The following MUC5B variants were observed in gnomAD, a reference collection of about 807,000 sequenced individuals.
MUC5B encodes mucin 5B, oligomeric mucus/gel-forming.
Under a neutral mutation model 376.9 loss-of-function variants are expected in MUC5B, and 116 were observed. The ratio of observed to expected loss-of-function variants is 0.31; its 90% confidence interval spans 0.26 to 0.36. The LOEUF (loss-of-function observed/expected upper bound fraction) is 0.36. Among genes scored for constraint, MUC5B ranks in the 10% least tolerant of loss-of-function variants. The probability of loss-of-function intolerance (pLI) is 1.00; values close to 1 mark genes in which losing one functional copy is unlikely to be tolerated. For missense variants in MUC5B, 7,165 were observed against 7,769.9 expected, an observed-to-expected ratio of 0.92 and a Z score of 2.93; for synonymous variants, 3,517 against 3,390.9, an observed-to-expected ratio of 1.04 and a Z score of -1.29.
chr11:1,250,640 C>G lies in MUC5B; in HGVS notation c.13760C>G (p.Thr4587Arg), dbSNP rs1285970586. The change falls in exon 31 of 49, where the codon ACA becomes AGA. Residue 4587 changes from threonine (T) to arginine (R), a missense_variant. Physicochemically the swap from Thr to Arg is moderately conservative, Grantham distance 71. Transcript: ENST00000529681. ...SVATPSSTPG[T>R]AHTTKVPTTT... The stretch of plus-strand genomic sequence containing the variant: ...GCCACCCCCTCCTCCACCCCAGGAA[C>G]AGCTCACACTACCAAAGTGCCGACT... 3.7e-6 allele frequency: 6 copies of G among 1,612,676 alleles called. No homozygotes were observed. In the South Asian group the frequency reaches 6.6e-5, roughly 18 times the overall value.
At chr11:1,238,676 A>C (rs755368558) in intron 25 of MUC5B, among the ~76,000 whole-genome samples, 195 bp from the exon 26 acceptor site, 1 of 152,156 alleles carries the variant, frequency 6.6e-6, no homozygotes, top group Non-Finnish European at 1.5e-5. Context: ...GGACGAGGGC[A>C]CAGGTGGGCT....
rs747902026 is a variant in MUC5B, at chr11:1,251,171, T to C, written c.14291T>C (p.Val4764Ala). ...PSSTLWTTWT[V>A]PAQTTTPMST... ...TCCACCCTGTGGACCACGTGGACCG[T>C]CCCAGCACAGACCACCACACCCATG... The change falls in exon 31 of 49, where the codon GTC becomes GCC. Residue 4764 changes from valine to alanine, a missense_variant. Physicochemically the swap from Val to Ala is moderately conservative, Grantham distance 64. Around this residue, in one of 31 missense-constraint regions of MUC5B, gnomAD observed 730 missense variants for 592.7 expected, o/e 1.23. Coordinates refer to ENST00000529681, the MANE Select transcript of MUC5B (RefSeq NM_002458.3). The C allele has an allele frequency of 6.2e-7, 1 of 1,609,094 alleles. No homozygotes were observed. Among genetic ancestry groups the C allele is most frequent in the Non-Finnish European group, 8.5e-7 (1 of 1,177,644 alleles).
At chr11:1,251,989 C>A (rs1023160263) in intron 31 of MUC5B, among the ~76,000 whole-genome samples, 1 of 150,890 alleles carries the variant, frequency 6.6e-6, no homozygotes, top group Non-Finnish European at 1.5e-5. Flanking sequence ...GGCCACAATG[C>A]GTCCCCCTTG....
rs377733435 is a variant in MUC5B, at chr11:1,235,380, C to T, written c.2847C>T (p.Thr949=). The change falls in exon 23 of 49, where the codon ACC becomes ACT. Residue 949 remains threonine, a synonymous_variant. Transcript: ENST00000529681. ...TENIPCGTTG[T]TCSKAIKLFV... ...ACATCCCCTGTGGGACCACCGGCAC[C>T]ACCTGCTCCAAGGCCATCAAGCTCT... The T allele has an allele frequency of 1.7e-5, 27 of 1,612,670 alleles. No individual in the cohort carries two copies. The African/African-American group carries it at 2.4e-4, about 14-fold the overall frequency.
chr11:1,261,059 TCAG>T (rs1862984976), intron 48 of MUC5B, among the ~76,000 whole-genome samples: 2 of 152,208 alleles, frequency 1.3e-5, no homozygotes, highest in African/African-American at 4.8e-5. Context: ...TGGTTGGCTG[TCAG>T]CAGGAGGGGC....
At chr11:1,227,425 G>T (rs759315549) in intron 6 of MUC5B, 27 bp downstream of exon 6, 69 of 1,543,184 alleles carry the variant, frequency 4.5e-5, no homozygotes, top group Non-Finnish European at 6.1e-5. Context: ...TGAGGGGGCG[G>T]TGACCAATTA....
chr11:1,244,313 C>A lies in MUC5B; in HGVS notation c.7433C>A (p.Thr2478Asn). ...PSTTATVTVP[T>N]GSTATASSTQ... is the part of the protein sequence containing the mutation. ...ACTACAGCCACCGTGACGGTGCCCA[C>A]CGGATCCACGGCCACCGCCTCCTCC... The change falls in exon 31 of 49, where the codon ACC becomes AAC. Residue 2478 changes from threonine (T) to asparagine (N), a missense_variant. Thr to Asn is a moderately conservative substitution (Grantham distance 65). Transcript: ENST00000529681. The A allele has an allele frequency of 1.2e-6, 2 of 1,604,726 alleles. No homozygotes were observed. The highest frequency in any genetic ancestry group is 1.4e-5 in the African/African-American group (1 of 73,826).
Position 1,250,483 on chromosome 11 carries a change from A to T in MUC5B, c.13603A>T (p.Thr4535Ser). ...CTCCTCCTCCCTGGGCACCACCTGG[A>T]CCCGCCTATCACAGACCACCACACC... ...IPSSSLGTTW[T>S]RLSQTTTPTA... Residue 4535 changes from threonine (T) to serine (S), a missense_variant, in exon 31 of 49, where the codon ACC becomes TCC. Physicochemically the swap from Thr to Ser is moderately conservative, Grantham distance 58 (BLOSUM62 1). Around this residue, in one of 31 missense-constraint regions of MUC5B, gnomAD observed 431 missense variants for 390.4 expected, o/e 1.10. Transcript: ENST00000529681. 1 of 1,594,156 alleles carries T rather than the reference A, an allele frequency of 6.3e-7. No homozygotes were observed. Among genetic ancestry groups the T allele is most frequent in the Non-Finnish European group, 8.6e-7 (1 of 1,165,796 alleles).
At position 1,241,239 on chromosome 11, in the gene MUC5B, T is replaced by A; in HGVS notation, c.4359T>A (p.Ala1453=). The A allele has an allele frequency of 6.3e-7, 1 of 1,592,492 alleles. No homozygotes were observed. The highest frequency in any genetic ancestry group is 8.5e-7 in the Non-Finnish European group (1 of 1,169,766). ...CCCTCAGTGCCAGCACGGAGCCTGCTGTGCCTACCCCAACCCAGACCACAG... is the reference window on the plus strand; with the variant it reads ...CCCTCAGTGCCAGCACGGAGCCTGCAGTGCCTACCCCAACCCAGACCACAG... ...QPSLSASTEP[A]VPTPTQTTAT... The change falls in exon 31 of 49, where the codon GCT becomes GCA. Residue 1453 remains alanine (A), a synonymous_variant. Coordinates refer to ENST00000529681, the MANE Select transcript of MUC5B (RefSeq NM_002458.3).
Position 1,242,364 on chromosome 11 carries a change from A to G in MUC5B, c.5484A>G (p.Ile1828Met). Residue 1828 changes from isoleucine to methionine, a missense_variant, in exon 31 of 49, where the codon ATA becomes ATG. Coordinates refer to ENST00000529681, the MANE Select transcript of MUC5B (RefSeq NM_002458.3). ...GGKMCWAPKS[I>M]ECRAENYPEV... ...AGATGTGCTGGGCACCAAAGAGCAT[A>G]GAGTGCCGGGCGGAGAACTACCCCG... 1 of 1,613,882 alleles carries G rather than the reference A, an allele frequency of 6.2e-7. No individual in the cohort carries two copies. The highest frequency in any genetic ancestry group is 8.5e-7 in the Non-Finnish European group (1 of 1,179,850).
intron 18 of MUC5B, 104 bp downstream of exon 18, chr11:1,233,372 G>A: frequency 7.7e-7 from 1 of 1,292,340 alleles, no homozygotes; most frequent in Non-Finnish European, 1.0e-6. Context: ...TGAGACATGA[G>A]GGGCCAGGCT....
At chr11:1,227,200 C>A in intron 5 of MUC5B, 55 bp downstream of exon 5, 1 of 1,574,204 alleles carries the variant, frequency 6.4e-7, no homozygotes, top group Non-Finnish European at 8.7e-7. Context: ...AAACCCCCAC[C>A]GGGGGTCGAG....
rs763627765 is a variant in MUC5B, at chr11:1,243,442, C to T, written c.6562C>T (p.Pro2188Ser). 3 of 1,469,826 alleles carry T rather than the reference C, an allele frequency of 2.0e-6. No individual in the cohort carries two copies. Among genetic ancestry groups the T allele is most frequent in the Admixed American group, 3.8e-5 (2 of 51,960 alleles). The allele number at this position is 1,469,826 out of a possible 1,614,324, so 91.0% of individuals were successfully genotyped here. Residue 2188 changes from proline (P) to serine (S), a missense_variant, in exon 31 of 49, where the codon CCC becomes TCC. Around this residue, in one of 31 missense-constraint regions of MUC5B, gnomAD observed 67 missense variants for 103.0 expected, o/e 0.65. Coordinates refer to ENST00000529681, the MANE Select transcript of MUC5B (RefSeq NM_002458.3). ...PSSALGTTHT[P>S]PVPNTMATTH... is the part of the protein sequence containing the mutation. ...CTCTGCCCTAGGGACCACCCACACA[C>T]CCCCAGTGCCGAACACCATGGCCAC...
In MUC5B at chr11:1,234,313, C is replaced by A. The variant is rs369614780; in HGVS notation, c.2478+8C>A. ...ACGCTGGACGTGGGCTGTGTGAGTT[C>A]CATGCTTCAGGGAGGGGTGGGCAGG... On this transcript the variant is annotated splice_region_variant and intron_variant, in intron 20 of 48. Coordinates refer to ENST00000529681, the MANE Select transcript of MUC5B (RefSeq NM_002458.3). This position sits in a 1 kb window ranked among gnomAD's most constrained non-coding sequence, Gnocchi z 6.3. 4.0e-5 allele frequency: 63 copies of A among 1,594,672 alleles called. No homozygotes were observed. The highest frequency in any genetic ancestry group is 1.2e-4 in the Admixed American group (7 of 58,244).
rs936134928 is a variant in MUC5B at position 1,235,572 on chromosome 11, C to T, written c.2880+159C>T. Reference sequence around the variant, plus strand: ...GCCACAAACCAGGGGGCTTAGACAACAGAAATGCATTCTCAGTCCTGGAGC... The same window carrying T: ...GCCACAAACCAGGGGGCTTAGACAATAGAAATGCATTCTCAGTCCTGGAGC... On this transcript the variant is annotated intron_variant, in intron 23 of 48. Coordinates refer to ENST00000529681, the MANE Select transcript of MUC5B (RefSeq NM_002458.3). 6 of 653,156 alleles carry T rather than the reference C, an allele frequency of 9.2e-6. No homozygotes were observed. The African/African-American group carries it at 1.1e-4, about 12-fold the overall frequency. 40.5% of individuals were successfully genotyped at this position (653,156 alleles called of 1,614,324 possible). A position where few individuals can be genotyped will look rare whatever the true frequency, so the allele number is the denominator to read the frequency against.
rs748566620 is a variant in MUC5B at position 1,246,386 on chromosome 11, C to T, written c.9506C>T (p.Thr3169Ile). 13 of 1,613,670 alleles carry T rather than the reference C, an allele frequency of 8.1e-6. No homozygotes were observed. The Admixed American group carries it at 2.2e-4, about 27-fold the overall frequency. The part of the protein sequence containing the change: ...GTTWILTEPS[T>I]TATVTVPTGS... Reference sequence around the variant, plus strand: ...ACCTGGATCCTCACAGAGCCCAGCACTACAGCCACCGTGACGGTGCCCACC... The same window carrying T: ...ACCTGGATCCTCACAGAGCCCAGCATTACAGCCACCGTGACGGTGCCCACC... Residue 3169 changes from threonine (T) to isoleucine (I), a missense_variant, in exon 31 of 49, where the codon ACT becomes ATT. Transcript: ENST00000529681.
At position 1,252,789 on chromosome 11, in the gene MUC5B, G is replaced by A. The variant is rs774933472; in HGVS notation, c.15046-20G>A. On this transcript the variant is annotated intron_variant, in intron 32 of 48. Coordinates refer to ENST00000529681, the MANE Select transcript of MUC5B (RefSeq NM_002458.3). Reference sequence around the variant, plus strand: ...CCCGTGAGCTGGTCCAGGTGAGGACGTGCATGTTCCCTGCCCCAGGTGAAT... The same window carrying A: ...CCCGTGAGCTGGTCCAGGTGAGGACATGCATGTTCCCTGCCCCAGGTGAAT... 9.4e-6 allele frequency: 15 copies of A among 1,588,052 alleles called. No homozygotes were observed. The Admixed American group carries it at 1.1e-4, about 11-fold the overall frequency.
At chr11:1,236,627 C>T in intron 24 of MUC5B, 65 bp downstream of exon 24, 1 of 1,524,616 alleles carries the variant, frequency 6.6e-7, no homozygotes, top group Non-Finnish European at 8.9e-7. Context: ...AACCCTGGTG[C>T]CAGGTGGGGT....
chr11:1,231,056 GCAGCTC>G, intron 13 of MUC5B, 51 bp downstream of exon 13: 1 of 1,517,322 alleles, frequency 6.6e-7, no homozygotes, highest in Non-Finnish European at 8.9e-7. Flanking sequence ...GCTTGCAGGG[GCAGCTC>G]CCACAGCCTG....
Sources: allele counts gnomAD v4.1 joint callset (sites outside exome capture counted in the v4.1 genomes callset), GRCh38; gene constraint gnomAD v4.1.1; regional missense constraint gnomAD v4.1.1; non-coding constraint Gnocchi (gnomAD v3.1); transcripts MANE v1.5; gene names NCBI Gene and HGNC (gene_info 2026-07-23, HGNC 2026-07-21).